The following PLCE1 variants were observed in gnomAD, a reference collection of about 807,000 sequenced individuals.
The protein encoded by PLCE1 is phospholipase C epsilon 1.
A neutral mutation model predicts 242.8 loss-of-function variants in PLCE1; 119 were observed. That is an observed-to-expected ratio of 0.49 (90% CI 0.42 to 0.57). PLCE1 has a LOEUF of 0.57. PLCE1 is among the 20% of genes least tolerant of loss of function. PLCE1 has a pLI of 0.00. For synonymous variants in PLCE1, 945 were observed against 1,017.4 expected (o/e 0.93, Z 1.35); for missense variants, 2,441 against 2,788.8 (o/e 0.88, Z 2.81).
In PLCE1 at chr10:94,328,610, A is replaced by C. The variant is rs2054114776; in HGVS notation, c.*667A>C. 6.6e-6 allele frequency: 1 copy of C among 152,306 alleles called. No homozygotes were observed. Among genetic ancestry groups the C allele is most frequent in the Non-Finnish European group, 1.5e-5 (1 of 68,106 alleles). 9.4% of individuals were successfully genotyped at this position (152,306 alleles called of 1,614,324 possible). ...TGAAAACAGGAAAGGAAGTTTAGCC[A>C]TACATTTTATGGCCGAGAATTAGAA... On this transcript the variant is annotated 3_prime_UTR_variant, in exon 33 of 33. Transcript: ENST00000371380.
chr10:94,058,456 A>T (rs2043963316), intron 2 of PLCE1, among the ~76,000 whole-genome samples: 1 of 152,170 alleles, frequency 6.6e-6, no homozygotes, highest in Non-Finnish European at 1.5e-5. Context: ...GAAACATCAC[A>T]TTTCCACACC....
intron 16 of PLCE1, among the ~76,000 whole-genome samples, chr10:94,266,985 G>T (rs1236487697): frequency 6.6e-6 from 1 of 152,156 alleles, no homozygotes; most frequent in Non-Finnish European, 1.5e-5. Context: ...AGTAGGAGGG[G>T]TGCCATACGC....
At chr10:94,173,168 A>G (rs771851339) in intron 4 of PLCE1, among the ~76,000 whole-genome samples, 2 of 152,084 alleles carry the variant, frequency 1.3e-5, no homozygotes, top group Non-Finnish European at 2.9e-5. Flanking sequence ...GTAGGTGGCA[A>G]TTTTGGTTTA....
chr10:94,192,440 A>C (rs1156563402), intron 4 of PLCE1, among the ~76,000 whole-genome samples: 1 of 152,182 alleles, frequency 6.6e-6, no homozygotes, highest in Non-Finnish European at 1.5e-5. Flanking sequence ...GAGAACATGC[A>C]GTATTTGGTT....
At chr10:94,043,698 G>T (rs1247703783) in intron 2 of PLCE1, among the ~76,000 whole-genome samples, 2 of 152,138 alleles carry the variant, frequency 1.3e-5, no homozygotes, top group Non-Finnish European at 2.9e-5. Context: ...AATAGCAAAT[G>T]CATTATTTGT....
At chr10:94,129,978 A>T (rs60275215) in intron 2 of PLCE1, among the ~76,000 whole-genome samples, 3,718 of 152,150 alleles carry the variant, frequency 0.024, 143 homozygotes, top group African/African-American at 0.084. Context: ...TTGCATGGTG[A>T]GTTGTCTCCC....
chr10:94,061,717 T>C (rs1424409427), intron 2 of PLCE1, among the ~76,000 whole-genome samples: 1 of 152,142 alleles, frequency 6.6e-6, no homozygotes, highest in African/African-American at 2.4e-5. Context: ...AAAAAGAAGT[T>C]AATCCTTAGG....
rs566101126 is a variant in PLCE1, at chr10:94,309,387, G to GT, written c.6003+689dup. 1.6e-4 allele frequency among the ~76,000 whole-genome samples: 24 copies of GT among 152,136 alleles called. No homozygotes were observed. In the East Asian group the frequency reaches 4.7e-3, roughly 30 times the overall value. ...ACTCTGTCACCCAGGTTGGAGTGCA[G>GT]TGGTGCCATCCTGGCTCACTGCAGC... is the stretch of plus-strand genomic sequence containing the variant. On this transcript the variant is annotated intron_variant, in intron 27 of 32. Transcript: ENST00000371380.
intron 8 of PLCE1, among the ~76,000 whole-genome samples, chr10:94,247,665 G>GT (rs1179763942): frequency 4.6e-5 from 7 of 152,174 alleles, no homozygotes; most frequent in Non-Finnish European, 8.8e-5. Context: ...CTTATGTGGA[G>GT]TTCTTCTTTA....
chr10:94,138,651 G>A (rs2046861425), intron 3 of PLCE1: 1 of 352,704 alleles, frequency 2.8e-6, no homozygotes, highest in Admixed American at 3.4e-5. Context: ...GCTGATGCTA[G>A]GAGGAGGTGT....
chr10:94,265,472 G>A (rs975186246), intron 14 of PLCE1, among the ~76,000 whole-genome samples, 175 bp from the exon 15 acceptor site: 10 of 152,002 alleles, frequency 6.6e-5, no homozygotes, highest in African/African-American at 2.4e-4. Flanking sequence ...TATAATAAAT[G>A]TTTTCTTTTG....
At chr10:94,097,939 C>T (rs2045376591) in intron 2 of PLCE1, among the ~76,000 whole-genome samples, 1 of 152,126 alleles carries the variant, frequency 6.6e-6, no homozygotes, top group African/African-American at 2.4e-5. Flanking sequence ...GGTTTCTGAC[C>T]TACAGCAGTG....
chr10:94,308,625 G>A lies in PLCE1; in HGVS notation c.5929G>A (p.Glu1977Lys). ...GCGAAACCTTCACAATGAAGTCTTG[G>A]AGATTTCTAGTTTATTCATTAACAG... ...QLRNLHNEVL[E>K]ISSLFINSRR... The change falls in exon 27 of 33, where the codon GAG (glutamate) becomes AAG (lysine). Residue 1977 changes from glutamate (E) to lysine (K), a missense_variant. Physicochemically the swap from Glu to Lys is moderately conservative, Grantham distance 56. Transcript: ENST00000371380. 6.2e-7 allele frequency: 1 copy of A among 1,613,680 alleles called. No homozygotes were observed. Among genetic ancestry groups the A allele is most frequent in the Non-Finnish European group, 8.5e-7 (1 of 1,179,608 alleles).
chr10:94,275,986 G>A (rs938637345), intron 19 of PLCE1, among the ~76,000 whole-genome samples: 7 of 152,146 alleles, frequency 4.6e-5, no homozygotes, highest in African/African-American at 1.7e-4. Flanking sequence ...GTATATGGGA[G>A]CCTCACATTT....
At position 94,243,550 on chromosome 10, in the gene PLCE1, G is replaced by A. The variant is rs572536398; in HGVS notation, c.2421-2396G>A. 1.0e-3 allele frequency among the ~76,000 whole-genome samples: 155 copies of A among 152,350 alleles called. 2 individuals carry two copies. The highest frequency in any genetic ancestry group is 3.7e-3 in the African/African-American group (152 of 41,578). On this transcript the variant is annotated intron_variant, in intron 7 of 32. Coordinates refer to ENST00000371380, the MANE Select transcript of PLCE1 (RefSeq NM_016341.4). ...AAGATGTTAATAGGGAAATTTTTGT[G>A]TGAGGTACACTGTCTTTGGAATTTT...
intron 4 of PLCE1, among the ~76,000 whole-genome samples, chr10:94,224,051 C>G (rs1360056130): frequency 6.6e-6 from 1 of 152,012 alleles, no homozygotes; most frequent in African/African-American, 2.4e-5. Flanking sequence ...ATACATCAGA[C>G]CATAATAAGA....
chr10:94,125,305 T>C (rs1357422213), intron 2 of PLCE1, among the ~76,000 whole-genome samples: 4 of 152,186 alleles, frequency 2.6e-5, no homozygotes, highest in South Asian at 2.1e-4. Context: ...ACATCTGTAA[T>C]AGGATTTTCT....
intron 2 of PLCE1, among the ~76,000 whole-genome samples, chr10:94,036,839 G>A (rs538033884): frequency 7.9e-5 from 12 of 152,290 alleles, no homozygotes; most frequent in South Asian, 2.1e-4. Flanking sequence ...TGAGATCCAC[G>A]TGCACTCAGA....
chr10:94,291,824 T>C (rs1314699777), intron 22 of PLCE1, among the ~76,000 whole-genome samples: 1 of 152,192 alleles, frequency 6.6e-6, no homozygotes, highest in East Asian at 1.9e-4. Context: ...ACGGGGTAGA[T>C]GAAGGTTCTT....
Sources: allele counts gnomAD v4.1 joint callset (sites outside exome capture counted in the v4.1 genomes callset), GRCh38; gene constraint gnomAD v4.1.1; transcripts MANE v1.5; gene names NCBI Gene and HGNC (gene_info 2026-07-23, HGNC 2026-07-21).